Variants in BMP2K observed in about 807,000 individuals in gnomAD.
The protein encoded by BMP2K is BMP-2-inducible protein kinase.
In BMP2K, 74 loss-of-function variants were observed where a neutral mutation model predicts 116.0. The observed-to-expected ratio is 0.64, with a 90% CI of 0.53 to 0.77. The LOEUF is 0.77. Among genes scored for constraint, BMP2K ranks in the 30% least tolerant of loss-of-function variants. BMP2K has a pLI of 0.00. For missense variants in BMP2K, 1,365 were observed against 1,403.6 expected, an observed-to-expected ratio of 0.97 and a Z score of 0.44; for synonymous variants, 486 against 502.5, an observed-to-expected ratio of 0.97 and a Z score of 0.44.
At chr4:78,908,461 C>T (rs1560558180) in intron 15 of BMP2K, among the ~76,000 whole-genome samples, 1 of 152,196 alleles carries the variant, frequency 6.6e-6, no homozygotes, top group Non-Finnish European at 1.5e-5. Context: ...TCATCTTCCT[C>T]TGCTGACTTC....
intron 1 of BMP2K, among the ~76,000 whole-genome samples, chr4:78,805,212 A>G (rs1362197827): frequency 6.6e-6 from 1 of 152,208 alleles, no homozygotes; most frequent in African/African-American, 2.4e-5. Context: ...TTGAAAATCA[A>G]TTGATCATAA....
chr4:78,792,699 A>G (rs1728062472), intron 1 of BMP2K, among the ~76,000 whole-genome samples: 2 of 152,110 alleles, frequency 1.3e-5, no homozygotes, highest in African/African-American at 4.8e-5. Context: ...GAATATCTGT[A>G]TAACCTATAT....
chr4:78,895,156 G>A (rs1277422997), intron 15 of BMP2K, among the ~76,000 whole-genome samples: 2 of 152,158 alleles, frequency 1.3e-5, no homozygotes, highest in African/African-American at 4.8e-5. Context: ...GAGACACAAA[G>A]TAATCACATG....
At chr4:78,877,461 G>A (rs1053806269) in intron 13 of BMP2K, among the ~76,000 whole-genome samples, 3 of 151,472 alleles carry the variant, frequency 2.0e-5, no homozygotes, top group Admixed American at 2.0e-4. Context: ...CATCAGCCCG[G>A]GCCTACACAA....
intron 15 of BMP2K, among the ~76,000 whole-genome samples, chr4:78,906,573 G>A (rs1367131169): frequency 2.6e-5 from 4 of 152,094 alleles, no homozygotes; most frequent in Admixed American, 1.3e-4. Flanking sequence ...GATCTAAAAT[G>A]TACCCTTATG....
At chr4:78,895,012 T>C (rs532458531) in intron 15 of BMP2K, among the ~76,000 whole-genome samples, 11 of 152,268 alleles carry the variant, frequency 7.2e-5, no homozygotes, top group Middle Eastern at 6.8e-3. Context: ...TGCTGTCTTA[T>C]ATGGGCTCAG....
At chr4:78,843,642 A>G (rs190196096) in intron 4 of BMP2K, among the ~76,000 whole-genome samples, 1 of 152,030 alleles carries the variant, frequency 6.6e-6, no homozygotes, top group African/African-American at 2.4e-5. Context: ...TAGAAAACCT[A>G]TGATGGTAGG....
intron 9 of BMP2K, among the ~76,000 whole-genome samples, chr4:78,861,931 T>G (rs960291215): frequency 6.6e-6 from 1 of 152,002 alleles, no homozygotes; most frequent in Non-Finnish European, 1.5e-5. Flanking sequence ...GTATATGTTT[T>G]CAATCTTATT....
At position 78,807,142 on chromosome 4, in the gene BMP2K, G is replaced by A. The variant is rs545341337; in HGVS notation, c.179-18895G>A. Among the ~76,000 whole-genome samples, 34 of 152,118 alleles carry A rather than the reference G, an allele frequency of 2.2e-4. No homozygotes were observed. In the South Asian group the frequency reaches 6.2e-3, roughly 28 times the overall value. On this transcript the variant is annotated intron_variant, in intron 1 of 15. Coordinates refer to ENST00000502613, the MANE Select transcript of BMP2K (RefSeq NM_198892.2). ...GCTGGGATTATAGGTGGGAGCCACC[G>A]TGCCTGGCTGGGTGGTGGATTATTT...
rs539717747 is a variant in BMP2K, at chr4:78,856,551, T to G, written c.884-3033T>G. On this transcript the variant is annotated intron_variant, in intron 7 of 15. Coordinates refer to ENST00000502613, the MANE Select transcript of BMP2K (RefSeq NM_198892.2). ...TTTAAATTGCTGATAATATTCAATT[T>G]AGAAATATTCAGAGATAAAAATGTA... Among the ~76,000 whole-genome samples, 56 of 152,266 alleles carry G rather than the reference T, an allele frequency of 3.7e-4. 2 individuals carry two copies. In the South Asian group the frequency reaches 0.012, roughly 32 times the overall value.
intron 9 of BMP2K, among the ~76,000 whole-genome samples, chr4:78,863,433 T>C (rs1731892302): frequency 2.0e-5 from 3 of 152,114 alleles, no homozygotes; most frequent in Admixed American, 6.6e-5. Context: ...AAAAGGTCGC[T>C]CTCATCTCCC....
Position 78,872,759 on chromosome 4 carries a change from A to T in BMP2K, c.1754A>T (p.Gln585Leu). The T allele has an allele frequency of 6.2e-7, 1 of 1,614,150 alleles. No individual in the cohort carries two copies. Among genetic ancestry groups the T allele is most frequent in the Non-Finnish European group, 8.5e-7 (1 of 1,179,978 alleles). ...LVSYTSSLPA[Q>L]VGTIMDSSYS... ...TCCTACACTTCATCACTTCCAGCTC[A>T]GGTTGGAACCATAATGGACTCCTCC... is the stretch of plus-strand genomic sequence containing the variant. The change falls in exon 13 of 16, where the codon CAG becomes CTG. Residue 585 changes from glutamine to leucine, a missense_variant. By Grantham distance (113) the Gln-to-Leu change is moderately radical. Transcript: ENST00000502613.
At chr4:78,860,620 A>C (rs1731725485) in intron 8 of BMP2K, among the ~76,000 whole-genome samples, 1 of 151,864 alleles carries the variant, frequency 6.6e-6, no homozygotes, top group Non-Finnish European at 1.5e-5. Context: ...AGTCTCTGCC[A>C]ATCTTAATAA....
In BMP2K at chr4:78,915,949, T is replaced by C. The variant is rs1735019330; in HGVS notation, c.*3916T>C. On this transcript the variant is annotated 3_prime_UTR_variant, in exon 16 of 16. Transcript: ENST00000502613. ...CTGGCAAACAGCTTTAAGTGCACTT[T>C]CTTTGATTACACTTCCATTTTTTGT... 6.6e-6 allele frequency: 1 copy of C among 152,002 alleles called. No homozygotes were observed. Among genetic ancestry groups the C allele is most frequent in the Non-Finnish European group, 1.5e-5 (1 of 67,900 alleles). 9.4% of individuals were successfully genotyped at this position (152,002 alleles called of 1,614,324 possible). A position where few individuals can be genotyped will look rare whatever the true frequency, so the allele number is the denominator to read the frequency against.
chr4:78,852,922 A>AT, intron 7 of BMP2K, among the ~76,000 whole-genome samples: 1 of 151,968 alleles, frequency 6.6e-6, no homozygotes. Flanking sequence ...TATTCTTTAT[A>AT]TTTTTCAAAT....
In BMP2K at chr4:78,841,674, G is replaced by A. The variant is rs769602787; in HGVS notation, c.404-711G>A. Among the ~76,000 whole-genome samples, 6 of 151,946 alleles carry A rather than the reference G, an allele frequency of 3.9e-5. No homozygotes were observed. In the East Asian group the frequency reaches 5.8e-4, roughly 15 times the overall value. On this transcript the variant is annotated intron_variant, in intron 3 of 15. Coordinates refer to ENST00000502613, the MANE Select transcript of BMP2K (RefSeq NM_198892.2). The stretch of plus-strand genomic sequence containing the variant: ...CTTGCCAGTCTCATCTCACCTTATC[G>A]TCTCCTCTGCTTCCTAGAGCATATC...
At chr4:78,801,484 G>A (rs1353542046) in intron 1 of BMP2K, among the ~76,000 whole-genome samples, 2 of 152,044 alleles carry the variant, frequency 1.3e-5, no homozygotes, top group African/African-American at 4.8e-5. Flanking sequence ...CAGTCGCTAT[G>A]TATTGTTTTG....
At chr4:78,778,535 C>T (rs1327539883) in intron 1 of BMP2K, among the ~76,000 whole-genome samples, 5 of 152,212 alleles carry the variant, frequency 3.3e-5, no homozygotes, top group Non-Finnish European at 7.3e-5. Flanking sequence ...GAAACTTCTC[C>T]ATCCTACACC....
rs892866317 is a variant in BMP2K at position 78,872,604 on chromosome 4, C to G, written c.1609-10C>G. ...AGCATTGTTTTGTATAATATCATTTCTTTTTTCAGATGCCGCAGTATCAGC... is the reference window on the plus strand; with the variant it reads ...AGCATTGTTTTGTATAATATCATTTGTTTTTTCAGATGCCGCAGTATCAGC... On this transcript the variant is annotated splice_polypyrimidine_tract_variant and intron_variant, in intron 12 of 15. Coordinates refer to ENST00000502613, the MANE Select transcript of BMP2K (RefSeq NM_198892.2). The G allele has an allele frequency of 6.2e-7, 1 of 1,612,496 alleles. No individual in the cohort carries two copies. The highest frequency in any genetic ancestry group is 8.5e-7 in the Non-Finnish European group (1 of 1,179,304).
Sources: allele counts gnomAD v4.1 joint callset (sites outside exome capture counted in the v4.1 genomes callset), GRCh38; gene constraint gnomAD v4.1.1; transcripts MANE v1.5; gene names NCBI Gene and HGNC (gene_info 2026-07-23, HGNC 2026-07-21).